Variants in KCNQ5 observed in about 807,000 individuals in gnomAD.
The protein encoded by KCNQ5 is potassium voltage-gated channel subfamily Q member 5.
In KCNQ5, 30 loss-of-function variants were observed where a neutral mutation model predicts 98.2. That is an observed-to-expected ratio of 0.31 (90% confidence interval 0.23 to 0.41). The LOEUF is 0.41. Among genes scored for constraint, KCNQ5 ranks in the 10% least tolerant of loss-of-function variants. KCNQ5 has a pLI of 1.00. For missense variants in KCNQ5, 835 were observed against 1,182.5 expected, an observed-to-expected ratio of 0.71 and a Z score of 4.31; for synonymous variants, 458 against 449.4, an observed-to-expected ratio of 1.02 and a Z score of -0.24.
chr6:73,150,401 T>C (rs947412735), intron 10 of KCNQ5, among the ~76,000 whole-genome samples: 7 of 149,788 alleles, frequency 4.7e-5, no homozygotes, highest in Non-Finnish European at 1.0e-4. Context: ...TAGCTTTCTT[T>C]GTAATGACCC....
chr6:72,759,560 G>T (rs1187124739), intron 1 of KCNQ5, among the ~76,000 whole-genome samples: 2 of 152,020 alleles, frequency 1.3e-5, no homozygotes, highest in Non-Finnish European at 2.9e-5. Context: ...GTATGTAAAT[G>T]GAGGACTGTT....
At chr6:72,702,549 G>A (rs1211213918) in intron 1 of KCNQ5, among the ~76,000 whole-genome samples, 5 of 152,152 alleles carry the variant, frequency 3.3e-5, no homozygotes, top group African/African-American at 4.8e-5. Flanking sequence ...GTGTTTTTAA[G>A]GAACAAAAGC....
chr6:73,107,933 A>T (rs1219478817), intron 6 of KCNQ5, among the ~76,000 whole-genome samples: 2 of 152,178 alleles, frequency 1.3e-5, no homozygotes, highest in Non-Finnish European at 2.9e-5. Context: ...AAAAAACAAG[A>T]TTGCCAGAGA....
At chr6:72,935,365 C>A (rs904700246) in intron 1 of KCNQ5, among the ~76,000 whole-genome samples, 7 of 152,146 alleles carry the variant, frequency 4.6e-5, no homozygotes, top group Non-Finnish European at 1.5e-5. Flanking sequence ...GCCACCTCAA[C>A]CAACCAGCGT....
chr6:73,061,481 T>C (rs1038591008), intron 3 of KCNQ5, among the ~76,000 whole-genome samples: 3 of 152,274 alleles, frequency 2.0e-5, no homozygotes, highest in African/African-American at 7.2e-5. Context: ...TTGGATGGGT[T>C]AATGGGCTCA....
intron 11 of KCNQ5, among the ~76,000 whole-genome samples, chr6:73,173,690 C>T (rs970483648): frequency 2.0e-5 from 3 of 151,774 alleles, no homozygotes; most frequent in African/African-American, 2.4e-5. Flanking sequence ...TGGCTTATAC[C>T]TGTAAACCCA....
chr6:72,907,332 T>C (rs1327003865), intron 1 of KCNQ5, among the ~76,000 whole-genome samples: 3 of 152,300 alleles, frequency 2.0e-5, no homozygotes, highest in Non-Finnish European at 4.4e-5. Flanking sequence ...AATAAATAAA[T>C]AATAAAAGTC....
At chr6:72,978,414 A>T (rs994884181) in intron 1 of KCNQ5, among the ~76,000 whole-genome samples, 1 of 152,222 alleles carries the variant, frequency 6.6e-6, no homozygotes, top group Non-Finnish European at 1.5e-5. Context: ...GATGGAAAAC[A>T]TCCTTTTCAA....
chr6:73,055,290 G>T, intron 3 of KCNQ5: 1 of 1,398,082 alleles, frequency 7.2e-7, no homozygotes, highest in Admixed American at 1.7e-5. Context: ...CCGACCTTCT[G>T]GACAGTGCTA....
chr6:72,773,786 C>G (rs1322609174), intron 1 of KCNQ5, among the ~76,000 whole-genome samples: 1 of 151,936 alleles, frequency 6.6e-6, no homozygotes, highest in Non-Finnish European at 1.5e-5. Flanking sequence ...CAATATCAAA[C>G]TTTCTAAAGT....
At chr6:72,652,011 G>A (rs1196992663) in intron 1 of KCNQ5, among the ~76,000 whole-genome samples, 2 of 151,678 alleles carry the variant, frequency 1.3e-5, no homozygotes, top group South Asian at 2.1e-4. Flanking sequence ...GGTAAGAAGC[G>A]GCTTTTATAA....
At chr6:72,785,801 C>T (rs368563164) in intron 1 of KCNQ5, among the ~76,000 whole-genome samples, 6 of 152,282 alleles carry the variant, frequency 3.9e-5, no homozygotes, top group East Asian at 3.9e-4. Context: ...AAATCATCAC[C>T]GCTTGCTTGG....
Position 72,760,906 on chromosome 6 carries a change from T to C in KCNQ5, c.398+138319T>C, listed in dbSNP as rs569949212. 3.3e-5 allele frequency among the ~76,000 whole-genome samples: 5 copies of C among 152,322 alleles called. No individual in the cohort carries two copies. In the South Asian group the frequency reaches 1.0e-3, roughly 32 times the overall value. On this transcript the variant is annotated intron_variant, in intron 1 of 13. Coordinates refer to ENST00000370398, the MANE Select transcript of KCNQ5 (RefSeq NM_019842.4). The stretch of plus-strand genomic sequence containing the variant: ...CCTTCTTTCACATTCTGTGCTTATA[T>C]GTTCTGTAGCTAGTTTTTAAATTCC...
chr6:72,849,489 G>C (rs1394066813), intron 1 of KCNQ5, among the ~76,000 whole-genome samples: 1 of 152,062 alleles, frequency 6.6e-6, no homozygotes, highest in Non-Finnish European at 1.5e-5. Flanking sequence ...AGATATTTCT[G>C]ATTCCTCAAA....
chr6:72,950,264 T>C (rs1342570851), intron 1 of KCNQ5, among the ~76,000 whole-genome samples: 1 of 152,208 alleles, frequency 6.6e-6, no homozygotes, highest in Non-Finnish European at 1.5e-5. Context: ...CTTCATGACA[T>C]GCCACTAGCA....
At chr6:72,742,886 G>A (rs903086933) in intron 1 of KCNQ5, among the ~76,000 whole-genome samples, 1 of 152,168 alleles carries the variant, frequency 6.6e-6, no homozygotes, top group African/African-American at 2.4e-5. Context: ...CTTTCAGACT[G>A]AAGGAGTGTG....
At chr6:73,132,484 C>T (rs902531123) in intron 9 of KCNQ5, among the ~76,000 whole-genome samples, 11 of 152,208 alleles carry the variant, frequency 7.2e-5, no homozygotes, top group African/African-American at 2.4e-4. Flanking sequence ...CTATGTTTAT[C>T]TCCAAGTTAG....
At chr6:72,967,322 G>T (rs1200715043) in intron 1 of KCNQ5, among the ~76,000 whole-genome samples, 1 of 151,948 alleles carries the variant, frequency 6.6e-6, no homozygotes, top group Non-Finnish European at 1.5e-5. Context: ...AATAACTTTT[G>T]ATCAGTATAG....
chr6:72,769,467 C>T (rs906420663), intron 1 of KCNQ5, among the ~76,000 whole-genome samples: 1 of 151,818 alleles, frequency 6.6e-6, no homozygotes, highest in African/African-American at 2.4e-5. Flanking sequence ...AATAAAATAT[C>T]GATGTCTAAG....
Sources: gnomAD v4.1 joint callset for allele counts (sites outside exome capture counted in the v4.1 genomes callset) on GRCh38, gnomAD v4.1.1 for gene constraint, MANE v1.5 for transcripts, NCBI Gene and HGNC (gene_info 2026-07-23, HGNC 2026-07-21) for gene names.